The following NUP210L variants were observed in gnomAD, a reference collection of about 807,000 sequenced individuals.
NUP210L encodes nucleoporin 210 like.
In NUP210L, 74 loss-of-function variants were observed where a neutral mutation model predicts 208.5. The observed-to-expected ratio is 0.35, with a 90% CI of 0.29 to 0.43. The LOEUF (loss-of-function observed/expected upper bound fraction) is 0.43. Ranked by LOEUF, NUP210L falls within the 20% of genes least tolerant of loss-of-function variation. NUP210L has a pLI of 1.00. For missense variants in NUP210L, 1,843 were observed against 2,289.4 expected, an observed-to-expected ratio of 0.81 and a Z score of 3.98; for synonymous variants, 780 against 816.9, an observed-to-expected ratio of 0.95 and a Z score of 0.77.
chr1:153,993,617 T>A (rs917434943), intron 38 of NUP210L, among the ~76,000 whole-genome samples: 3 of 142,100 alleles, frequency 2.1e-5, no homozygotes, highest in Non-Finnish European at 4.6e-5. Flanking sequence ...GTTGTGTTAA[T>A]TTTTTTTTTT....
At chr1:154,130,576 A>ATTT (rs765115829) in intron 7 of NUP210L, among the ~76,000 whole-genome samples, 14 of 98,928 alleles carry the variant, frequency 1.4e-4, no homozygotes, top group East Asian at 3.1e-4. Flanking sequence ...CCTGGCCCCA[A>ATTT]TTTTTTTTTT....
At chr1:154,146,612 T>TCCCCCCCCCCCCCCC (rs1413043976) in intron 2 of NUP210L, among the ~76,000 whole-genome samples, 1 of 57,326 alleles carries the variant, frequency 1.7e-5, no homozygotes, top group Admixed American at 2.1e-4. Context: ...CAAGATCCCA[T>TCCCCCCCCCCCCCCC]CCCCCCTCCC....
At position 154,000,849 on chromosome 1, in the gene NUP210L, T is replaced by G. The variant is rs1650167678; in HGVS notation, c.5386+7A>C. 1 of 1,609,900 alleles carries G rather than the reference T, an allele frequency of 6.2e-7. No individual in the cohort carries two copies. Among genetic ancestry groups the G allele is most frequent in the Non-Finnish European group, 8.5e-7 (1 of 1,176,078 alleles). ...CTAGATTATAAATAGGAATCTCTGA[T>G]GCTTACCTGCACCCAACTTATCTTT... On this transcript the variant is annotated splice_region_variant and intron_variant, in intron 37 of 39. Transcript: ENST00000368559.
At chr1:154,047,310 C>T (rs1653240716) in intron 25 of NUP210L, among the ~76,000 whole-genome samples, 1 of 152,126 alleles carries the variant, frequency 6.6e-6, no homozygotes, top group Admixed American at 6.6e-5. Context: ...ACCCCATTTA[C>T]CCTGATGTAG....
At chr1:154,021,974 AC>A in intron 32 of NUP210L, 151 bp downstream of exon 32, 1 of 643,150 alleles carries the variant, frequency 1.6e-6, no homozygotes, top group Non-Finnish European at 2.7e-6. Flanking sequence ...GCCTTAAGTG[AC>A]CTCTCCAGCT....
At chr1:154,086,891 G>C (rs896298508) in intron 16 of NUP210L, among the ~76,000 whole-genome samples, 1 of 151,922 alleles carries the variant, frequency 6.6e-6, no homozygotes, top group African/African-American at 2.4e-5. Context: ...AAAGAGACTT[G>C]TATGTAGACT....
rs542276682 is a variant in NUP210L, at chr1:154,072,371, T to C, written c.2362-1906A>G. On this transcript the variant is annotated intron_variant, in intron 16 of 39. Transcript: ENST00000368559. ...TTTTTGAGACGGAGTCTCGCTCTGT[T>C]GCCCAGGCTAGAGTGCAGTGGTGAG... is the stretch of plus-strand genomic sequence containing the variant. Among the ~76,000 whole-genome samples, 321 of 147,760 alleles carry C rather than the reference T, an allele frequency of 2.2e-3. 1 individual carries two copies. Among genetic ancestry groups the C allele is most frequent in the East Asian group, 9.4e-3 (47 of 5,014 alleles).
intron 20 of NUP210L, among the ~76,000 whole-genome samples, chr1:154,059,137 C>T (rs1462580580): frequency 1.3e-5 from 2 of 152,080 alleles, no homozygotes; most frequent in South Asian, 4.1e-4. Context: ...GAGTTTGAGA[C>T]AAGCCTGGGC....
At chr1:154,084,038 CTTTTTTTT>C (rs34861266) in intron 16 of NUP210L, among the ~76,000 whole-genome samples, 1 of 103,612 alleles carries the variant, frequency 9.7e-6, no homozygotes, top group Non-Finnish European at 1.9e-5. Flanking sequence ...CTTTTCCTTT[CTTTTTTTT>C]TTTTTTTTTT....
At chr1:154,054,291 A>G in exon 25 of NUP210L, 1 of 1,614,220 alleles carries the variant, frequency 6.2e-7, no homozygotes, top group South Asian at 1.1e-5. Context: ...CATGAACCAC[A>G]GCTGTGCCAA....
intron 12 of NUP210L, among the ~76,000 whole-genome samples, chr1:154,111,759 G>A (rs1333027815): frequency 6.6e-6 from 1 of 151,444 alleles, no homozygotes; most frequent in East Asian, 1.9e-4. Flanking sequence ...AAATAGAGAA[G>A]AGAATACGTC....
chr1:154,022,395 A>C (rs916624548), intron 31 of NUP210L, 52 bp from the exon 32 acceptor site: 1 of 1,469,044 alleles, frequency 6.8e-7, no homozygotes, highest in Non-Finnish European at 9.5e-7. Flanking sequence ...AATAGTTAGA[A>C]AATAGTTCTG....
intron 30 of NUP210L, among the ~76,000 whole-genome samples, chr1:154,024,468 T>A (rs1651743365): frequency 3.3e-5 from 5 of 152,186 alleles, no homozygotes; most frequent in Admixed American, 3.3e-4. Context: ...TTTTTTTTCG[T>A]GTTAAGACTA....
At chr1:154,153,086 T>C (rs957587463) in intron 1 of NUP210L, among the ~76,000 whole-genome samples, 1 of 152,014 alleles carries the variant, frequency 6.6e-6, no homozygotes, top group Non-Finnish European at 1.5e-5. Context: ...CCCAGAAATA[T>C]CCCTCCCTCA....
intron 27 of NUP210L, among the ~76,000 whole-genome samples, chr1:154,042,187 C>G (rs1652923464): frequency 6.6e-6 from 1 of 151,802 alleles, no homozygotes; most frequent in African/African-American, 2.4e-5. Context: ...GCAGCCTTCA[C>G]CTCCCGGGCT....
chr1:154,055,311 CGA>C (rs1301998230), intron 23 of NUP210L, among the ~76,000 whole-genome samples: 3 of 151,382 alleles, frequency 2.0e-5, no homozygotes, highest in African/African-American at 7.3e-5. Flanking sequence ...AGTGCAGTGG[CGA>C]GACCTCAGCT....
chr1:154,016,192 G>A (rs1185863456), intron 33 of NUP210L, among the ~76,000 whole-genome samples: 1 of 151,742 alleles, frequency 6.6e-6, no homozygotes, highest in Non-Finnish European at 1.5e-5. Flanking sequence ...GGAGTTTGAG[G>A]CTGCAGTGAG....
chr1:154,032,491 G>T (rs1360432729), intron 27 of NUP210L, among the ~76,000 whole-genome samples: 1 of 151,062 alleles, frequency 6.6e-6, no homozygotes, highest in Non-Finnish European at 1.5e-5. Context: ...TTTGCCATTT[G>T]TATGACTTTT....
At chr1:154,135,285 T>G (rs977319606) in intron 7 of NUP210L, among the ~76,000 whole-genome samples, 4 of 152,188 alleles carry the variant, frequency 2.6e-5, no homozygotes, top group African/African-American at 9.7e-5. Flanking sequence ...AGGTTGCAAA[T>G]AAGCATTGAA....
Sources: allele counts gnomAD v4.1 joint callset (sites outside exome capture counted in the v4.1 genomes callset), GRCh38; gene constraint gnomAD v4.1.1; transcripts MANE v1.5; gene names NCBI Gene and HGNC (gene_info 2026-07-23, HGNC 2026-07-21).